Variants in SAMD12 observed in about 807,000 individuals in gnomAD.
The protein encoded by SAMD12 is sterile alpha motif domain containing 12.
SAMD12 carries 9 observed loss-of-function variants against 15.0 expected under a neutral mutation model. The observed-to-expected ratio is 0.60, with a 90% CI of 0.36 to 1.05. The LOEUF (loss-of-function observed/expected upper bound fraction) is 1.05. SAMD12 is among the 50% of genes least tolerant of loss of function. The pLI, the probability that SAMD12 is intolerant of heterozygous loss-of-function variation, is 0.01. For synonymous variants in SAMD12, 86 were observed against 90.1 expected (o/e 0.96, Z 0.25); for missense variants, 230 against 234.2 (o/e 0.98, Z 0.12).
chr8:118,575,721 A>T (rs147335704), intron 2 of SAMD12, among the ~76,000 whole-genome samples: 20 of 152,306 alleles, frequency 1.3e-4, no homozygotes, highest in African/African-American at 4.3e-4. Flanking sequence ...AGGATTATCA[A>T]CCTTATGAAA....
chr8:118,361,801 G>A (rs1375076240), intron 4 of SAMD12, among the ~76,000 whole-genome samples: 1 of 152,084 alleles, frequency 6.6e-6, no homozygotes, highest in Non-Finnish European at 1.5e-5. Flanking sequence ...ATACAGGGTG[G>A]AGCAATAATT....
At chr8:118,455,414 G>T (rs1453383790) in intron 2 of SAMD12, among the ~76,000 whole-genome samples, 7 of 151,996 alleles carry the variant, frequency 4.6e-5, no homozygotes, top group Admixed American at 4.6e-4. Flanking sequence ...AACATAAAAT[G>T]GTTTTCTCTC....
chr8:118,193,967 C>T (rs1819482476), exon 5 of SAMD12: 1 of 152,060 alleles, frequency 6.6e-6, no homozygotes, highest in Non-Finnish European at 1.5e-5. Flanking sequence ...TCACAAAGAA[C>T]AAAACTGCTC....
downstream of SAMD12, among the ~76,000 whole-genome samples, chr8:118,375,500 G>T (rs73325696): frequency 0.021 from 3,153 of 152,170 alleles, 96 homozygotes; most frequent in African/African-American, 0.069. Flanking sequence ...AATGTATGAG[G>T]TTGATTAAAT....
At chr8:118,620,699 A>G (rs1253565609) in intron 1 of SAMD12, among the ~76,000 whole-genome samples, 2 of 152,174 alleles carry the variant, frequency 1.3e-5, no homozygotes, top group Non-Finnish European at 2.9e-5. Context: ...CTCCTGGGGC[A>G]GGGAGGAGAG....
At chr8:118,298,961 T>C (rs1292470710) in intron 4 of SAMD12, among the ~76,000 whole-genome samples, 1 of 152,264 alleles carries the variant, frequency 6.6e-6, no homozygotes, top group East Asian at 1.9e-4. Context: ...ATAAGCACTG[T>C]TTTGTCTATT....
intron 1 of SAMD12, among the ~76,000 whole-genome samples, chr8:118,603,442 G>T (rs1827910309): frequency 6.6e-6 from 1 of 152,122 alleles, no homozygotes; most frequent in African/African-American, 2.4e-5. Context: ...CCAAAAACAT[G>T]ACTGGAAACT....
At chr8:118,550,642 A>G (rs1451730469) in intron 2 of SAMD12, among the ~76,000 whole-genome samples, 1 of 152,138 alleles carries the variant, frequency 6.6e-6, no homozygotes, top group Admixed American at 6.5e-5. Flanking sequence ...ATAACCAGCT[A>G]ACATCATAAT....
intron 2 of SAMD12, among the ~76,000 whole-genome samples, chr8:118,579,690 T>G (rs991069695): frequency 6.6e-6 from 1 of 152,172 alleles, no homozygotes; most frequent in African/African-American, 2.4e-5. Context: ...TTAAGATTTT[T>G]CTTAGGTGCT....
At chr8:118,137,296 G>C in the SAMD12 span, among the ~76,000 whole-genome samples, 1 of 152,132 alleles carries the variant, frequency 6.6e-6, no homozygotes, top group Non-Finnish European at 1.5e-5. Context: ...TTAGCCCCCA[G>C]TCAGAGGCTG....
intron 1 of SAMD12, among the ~76,000 whole-genome samples, chr8:118,618,250 C>T (rs1392076734): frequency 1.3e-5 from 2 of 152,166 alleles, no homozygotes; most frequent in African/African-American, 2.4e-5. Context: ...AAACAAAGGG[C>T]ACCTCTTTTT....
exon 5 of SAMD12, chr8:118,196,092 T>G (rs1394738865): frequency 6.6e-6 from 1 of 152,248 alleles, no homozygotes; most frequent in African/African-American, 2.4e-5. Flanking sequence ...TGAGTCATCC[T>G]GCTGCTGACT....
chr8:118,407,720 T>G (rs1281462690), intron 3 of SAMD12, among the ~76,000 whole-genome samples: 2 of 152,178 alleles, frequency 1.3e-5, no homozygotes, highest in African/African-American at 2.4e-5. Context: ...TGCTTCCAGA[T>G]TATTATCAAC....
intron 1 of SAMD12, chr8:118,620,921 A>G (rs1001531829): frequency 1.3e-5 from 2 of 152,282 alleles, no homozygotes; most frequent in African/African-American, 4.8e-5. Flanking sequence ...ATTCAGGCAC[A>G]GCTTGACCTC....
chr8:118,150,256 A>G, the SAMD12 span, among the ~76,000 whole-genome samples: 1 of 152,244 alleles, frequency 6.6e-6, no homozygotes, highest in African/African-American at 2.4e-5. Flanking sequence ...ACCTTCAAGT[A>G]TATTATATTA....
chr8:118,511,641 A>G (rs2131067247), intron 2 of SAMD12, among the ~76,000 whole-genome samples: 1 of 152,274 alleles, frequency 6.6e-6, no homozygotes, highest in Admixed American at 6.5e-5. Flanking sequence ...CAAGCTTTAA[A>G]GTAAAGGGGG....
intron 1 of SAMD12, among the ~76,000 whole-genome samples, chr8:118,614,688 A>G (rs763223738): frequency 3.3e-5 from 5 of 152,224 alleles, no homozygotes; most frequent in Non-Finnish European, 7.4e-5. Flanking sequence ...CAAAGGAACA[A>G]AACTTGCCAA....
chr8:118,327,707 T>C (rs1816629887), intron 4 of SAMD12, among the ~76,000 whole-genome samples: 1 of 152,188 alleles, frequency 6.6e-6, no homozygotes, highest in Non-Finnish European at 1.5e-5. Context: ...TATTTTGCCA[T>C]ATGGTACATA....
rs191442265 is a variant in SAMD12 at position 118,340,492 on chromosome 8, G to C, written c.433+39068C>G. 4.7e-4 allele frequency among the ~76,000 whole-genome samples: 72 copies of C among 152,278 alleles called. 1 individual carries two copies. Among genetic ancestry groups the C allele is most frequent in the Middle Eastern group, 3.4e-3 (1 of 294 alleles). ...TTTTTAATATTTTAATTCCCTGCCAGGCGCAGTGGCTCATGCCTGTAATCC... is the reference window on the plus strand; with the variant it reads ...TTTTTAATATTTTAATTCCCTGCCACGCGCAGTGGCTCATGCCTGTAATCC... On this transcript the variant is annotated intron_variant, in intron 4 of 4. Coordinates refer to the SAMD12 transcript ENST00000409003.
Sources: gnomAD v4.1 joint callset for allele counts (sites outside exome capture counted in the v4.1 genomes callset) on GRCh38, gnomAD v4.1.1 for gene constraint, MANE v1.5 for transcripts, NCBI Gene and HGNC (gene_info 2026-07-23, HGNC 2026-07-21) for gene names.